Variants in AGBL1 observed in about 807,000 individuals in gnomAD.
AGBL1 encodes cytosolic carboxypeptidase 4.
A neutral mutation model predicts 118.9 loss-of-function variants in AGBL1; 130 were observed. The ratio of observed to expected loss-of-function variants is 1.09; its 90% CI spans 0.95 to 1.26. The LOEUF (loss-of-function observed/expected upper bound fraction) is 1.26. Among genes scored for constraint, AGBL1 ranks in the 50% most tolerant of loss-of-function variants. The probability of loss-of-function intolerance (pLI) is 0.00; values close to 1 mark genes in which losing one functional copy is unlikely to be tolerated. For synonymous variants in AGBL1, 555 were observed against 478.9 expected (o/e 1.16, Z -2.08); for missense variants, 1,584 against 1,298.1 (o/e 1.22, Z -3.38).
exon 25 of AGBL1, chr15:87,028,893 C>T (rs376698148): frequency 3.9e-6 from 6 of 1,558,232 alleles, no homozygotes; most frequent in Middle Eastern, 1.7e-4. Context: ...GTGCCCAGCT[C>T]CTCCTGGATC....
Position 86,913,975 on chromosome 15 carries a change from T to C in AGBL1, c.*6681T>C, listed in dbSNP as rs2080386242. On this transcript the variant is annotated 3_prime_UTR_variant, in exon 23 of 23. Coordinates refer to ENST00000614907, the MANE Select transcript of AGBL1 (RefSeq NM_001386094.1). ...TAGGCTCTTATGGGGTTAAAATGAT[T>C]TCTTGGTATCAGACAAGTATTATGA... 1 of 152,174 alleles carries C rather than the reference T, an allele frequency of 6.6e-6. No individual in the cohort carries two copies. Among genetic ancestry groups the C allele is most frequent in the Non-Finnish European group, 1.5e-5 (1 of 68,030 alleles). The allele number at this position is 152,174 out of a possible 1,614,324, so 9.4% of individuals were successfully genotyped here. A position where few individuals can be genotyped will look rare whatever the true frequency, so the allele number is the denominator to read the frequency against.
intron 21 of AGBL1, among the ~76,000 whole-genome samples, chr15:86,565,010 G>T (rs1408451217): frequency 1.5e-4 from 23 of 152,142 alleles, no homozygotes; most frequent in Admixed American, 1.4e-3. Flanking sequence ...CTCTACACTA[G>T]TTATTCTAGT....
intron 17 of AGBL1, among the ~76,000 whole-genome samples, chr15:86,379,729 C>T (rs754738717): frequency 1.2e-4 from 19 of 152,164 alleles, no homozygotes; most frequent in Non-Finnish European, 1.8e-4. Context: ...AGTCGAGATT[C>T]TGACCCAAGT....
chr15:86,195,471 C>G (rs1049532684), intron 5 of AGBL1, among the ~76,000 whole-genome samples: 2 of 152,080 alleles, frequency 1.3e-5, no homozygotes, highest in Non-Finnish European at 2.9e-5. Flanking sequence ...TTTTGTTAAT[C>G]AGATTCAGGG....
chr15:86,760,466 G>C (rs1226409396), intron 22 of AGBL1, among the ~76,000 whole-genome samples: 1 of 152,030 alleles, frequency 6.6e-6, no homozygotes, highest in African/African-American at 2.4e-5. Flanking sequence ...TCTAAATGCA[G>C]AGAAAAACCA....
chr15:86,625,591 G>T (rs1305008758), intron 21 of AGBL1, among the ~76,000 whole-genome samples: 1 of 151,750 alleles, frequency 6.6e-6, no homozygotes, highest in African/African-American at 2.4e-5. Context: ...AAGACACAGA[G>T]AATATATTTG....
At position 86,538,980 on chromosome 15, in the gene AGBL1, C is replaced by A. The variant is rs190679844; in HGVS notation, c.2686-7022C>A. On this transcript the variant is annotated intron_variant, in intron 19 of 22. Coordinates refer to ENST00000614907, the MANE Select transcript of AGBL1 (RefSeq NM_001386094.1). ...AATCTGGTCCTCATCAGCTTCTTTG[C>A]GGAGCAAGAAATCATGGAACTCATG... 2.6e-5 allele frequency among the ~76,000 whole-genome samples: 4 copies of A among 152,178 alleles called. No homozygotes were observed. In the East Asian group the frequency reaches 5.8e-4, roughly 22 times the overall value.
At chr15:86,510,457 G>A (rs769725737) in intron 18 of AGBL1, among the ~76,000 whole-genome samples, 10 of 152,058 alleles carry the variant, frequency 6.6e-5, no homozygotes, top group African/African-American at 9.7e-5. Context: ...TAAATATGGG[G>A]TCTTATGATT....
intron 5 of AGBL1, among the ~76,000 whole-genome samples, chr15:86,214,388 T>C (rs1454376725): frequency 1.3e-5 from 2 of 152,266 alleles, no homozygotes; most frequent in Admixed American, 1.3e-4. Context: ...AAACATTCTG[T>C]AGAATTCTAT....
intron 22 of AGBL1, among the ~76,000 whole-genome samples, chr15:86,690,158 A>C (rs919372168): frequency 6.6e-6 from 1 of 152,132 alleles, no homozygotes; most frequent in Admixed American, 6.6e-5. Flanking sequence ...ATGTTATAAG[A>C]AATAGGTAGT....
At chr15:86,096,457 A>G (rs1896387355) in intron 1 of AGBL1, among the ~76,000 whole-genome samples, 2 of 152,192 alleles carry the variant, frequency 1.3e-5, no homozygotes, top group Non-Finnish European at 1.5e-5. Flanking sequence ...TCTAGATCAT[A>G]TACTCTCAGT....
intron 21 of AGBL1, among the ~76,000 whole-genome samples, chr15:86,586,525 C>A (rs1293688545): frequency 6.6e-6 from 1 of 151,992 alleles, no homozygotes; most frequent in Non-Finnish European, 1.5e-5. Flanking sequence ...GGCAGAAAAC[C>A]GAAATTCTGT....
chr15:86,326,303 A>G (rs1597732438), intron 17 of AGBL1, among the ~76,000 whole-genome samples: 1 of 152,192 alleles, frequency 6.6e-6, no homozygotes, highest in African/African-American at 2.4e-5. Context: ...TTATCAGTCT[A>G]CACTAGCCAT....
intron 23 of AGBL1, among the ~76,000 whole-genome samples, chr15:86,922,661 G>T (rs887832143): frequency 6.6e-6 from 1 of 152,164 alleles, no homozygotes; most frequent in Non-Finnish European, 1.5e-5. Flanking sequence ...TAATTTAAAT[G>T]CTATAAATTA....
chr15:86,533,628 CTA>C (rs2083380756), intron 19 of AGBL1, among the ~76,000 whole-genome samples: 1 of 134,768 alleles, frequency 7.4e-6, no homozygotes, highest in Non-Finnish European at 1.5e-5. Context: ...ACCCAAATGA[CTA>C]TAAATCATGC....
intron 18 of AGBL1, among the ~76,000 whole-genome samples, chr15:86,444,312 C>T (rs768221806): frequency 5.3e-4 from 80 of 152,166 alleles, no homozygotes; most frequent in South Asian, 8.3e-4. Flanking sequence ...AAGAATATCC[C>T]GCCCCAATAA....
At position 86,683,253 on chromosome 15, in the gene AGBL1, T is replaced by G. The variant is rs547209897; in HGVS notation, c.3158+8817T>G. On this transcript the variant is annotated intron_variant, in intron 22 of 22. Coordinates refer to ENST00000614907, the MANE Select transcript of AGBL1 (RefSeq NM_001386094.1). ...TATCTGTGTGTGTTTCTGGGTAAGT[T>G]TTAAAACTCAAACGACTTGGGTTCA... Among the ~76,000 whole-genome samples the G allele has an allele frequency of 3.5e-4, 54 of 152,314 alleles. No individual in the cohort carries two copies. The South Asian group carries it at 6.6e-3, about 19-fold the overall frequency.
intron 18 of AGBL1, among the ~76,000 whole-genome samples, chr15:86,458,074 G>C (rs1007861223): frequency 6.6e-6 from 1 of 151,834 alleles, no homozygotes; most frequent in African/African-American, 2.4e-5. Flanking sequence ...CCCGTATATT[G>C]CCACTTGAAA....
intron 22 of AGBL1, among the ~76,000 whole-genome samples, chr15:86,873,415 A>G (rs901085702): frequency 1.3e-5 from 2 of 152,190 alleles, no homozygotes; most frequent in East Asian, 1.9e-4. Flanking sequence ...GCTTTCAAAG[A>G]TGTTTGAAAA....
Sources: gnomAD v4.1 joint callset for allele counts (sites outside exome capture counted in the v4.1 genomes callset) on GRCh38, gnomAD v4.1.1 for gene constraint, MANE v1.5 for transcripts, NCBI Gene and HGNC (gene_info 2026-07-23, HGNC 2026-07-21) for gene names.